The following DHX40 variants were observed in gnomAD, a reference collection of about 807,000 sequenced individuals.
DHX40 encodes the protein probable ATP-dependent RNA helicase DHX40.
DHX40 carries 28 observed loss-of-function variants against 89.6 expected under a neutral mutation model. The observed-to-expected ratio is 0.31, with a 90% CI of 0.23 to 0.43. The LOEUF is 0.43. DHX40 is among the 20% of genes least tolerant of loss of function. The pLI is 1.00. For missense variants in DHX40, 457 were observed against 844.0 expected (o/e 0.54, Z 5.68); for synonymous variants, 226 against 283.6 (o/e 0.80, Z 2.04).
At chr17:59,587,703 C>T (rs2049019161) in intron 11 of DHX40, among the ~76,000 whole-genome samples, 193 bp from the exon 12 acceptor site, 1 of 151,908 alleles carries the variant, frequency 6.6e-6, no homozygotes. Flanking sequence ...GGTGATCCAC[C>T]TGCCTCAGCT....
In DHX40 at chr17:59,565,753, C is replaced by T. The variant is rs2048694866; in HGVS notation, c.82C>T (p.Arg28Trp). ...GCGGTCAAGAGACCTCCAGGAAGAGCGGCTCTCGGCTGTTTGCATCGCCGA... is the reference window on the plus strand; with the variant it reads ...GCGGTCAAGAGACCTCCAGGAAGAGTGGCTCTCGGCTGTTTGCATCGCCGA... ...GERSRDLQEE[R>W]LSAVCIADRE... The change falls in exon 1 of 18, where the codon CGG (arginine) becomes TGG (tryptophan). Residue 28 changes from arginine to tryptophan, a missense_variant. By Grantham distance (101) the Arg-to-Trp change is moderately radical. This residue lies in a region of DHX40 where 75 missense variants were observed against 76.8 expected (regional missense o/e 0.98). Transcript: ENST00000251241. 1.9e-6 allele frequency: 3 copies of T among 1,604,494 alleles called. No individual in the cohort carries two copies. The highest frequency in any genetic ancestry group is 2.2e-5 in the South Asian group (2 of 91,020).
Position 59,585,520 on chromosome 17 carries a change from C to G in DHX40, c.1344-633C>G, listed in dbSNP as rs569941389. Among the ~76,000 whole-genome samples, 3 of 151,116 alleles carry G rather than the reference C, an allele frequency of 2.0e-5. No individual in the cohort carries two copies. The South Asian group carries it at 6.3e-4, about 32-fold the overall frequency. ...GGCGGATTGCTTAAGCACAGGAGTT[C>G]AAGACCAGCCTGGGCAACATGGTGA... On this transcript the variant is annotated intron_variant, in intron 10 of 17. Coordinates refer to ENST00000251241, the MANE Select transcript of DHX40 (RefSeq NM_024612.5).
At chr17:59,587,790 G>A in intron 11 of DHX40, 106 bp from the exon 12 acceptor site, 4 of 1,472,282 alleles carry the variant, frequency 2.7e-6, no homozygotes, top group Non-Finnish European at 3.7e-6. Flanking sequence ...ACTTCTGGAG[G>A]TGATTGGAGG....
chr17:59,607,421 A>G lies in DHX40; in HGVS notation c.*249A>G. The G allele has an allele frequency of 1.5e-6, 1 of 687,374 alleles. No homozygotes were observed. Among genetic ancestry groups the G allele is most frequent in the South Asian group, 1.9e-5 (1 of 52,132 alleles). 42.6% of individuals were successfully genotyped at this position (687,374 alleles called of 1,614,324 possible). ...GAAACCAATGAAAGACAGTACATGT[A>G]ATAATATTTTCCTCAGTACAATTTT... is the stretch of plus-strand genomic sequence containing the variant. On this transcript the variant is annotated 3_prime_UTR_variant, in exon 18 of 18. Coordinates refer to ENST00000251241, the MANE Select transcript of DHX40 (RefSeq NM_024612.5).
chr17:59,587,113 G>A (rs1022211911), intron 11 of DHX40, among the ~76,000 whole-genome samples: 5 of 149,546 alleles, frequency 3.3e-5, no homozygotes, highest in Admixed American at 2.0e-4. Context: ...AGGAGATTGC[G>A]CCATTGCACT....
chr17:59,573,162 T>C lies in DHX40; in HGVS notation c.473T>C (p.Ile158Thr). 1 of 1,613,712 alleles carries C rather than the reference T, an allele frequency of 6.2e-7. No homozygotes were observed. Residue 158 changes from isoleucine to threonine, a missense_variant, in exon 4 of 18, where the codon ATT (isoleucine) becomes ACT (threonine). Ile to Thr is a moderately conservative substitution (Grantham distance 89, BLOSUM62 -1). Transcript: ENST00000251241. ...ACTGATGGATGTTTACTGAAACATATTCTGGGAGACCCAAATCTTACCAAA... is the reference window on the plus strand; with the variant it reads ...ACTGATGGATGTTTACTGAAACATACTCTGGGAGACCCAAATCTTACCAAA... ...YMTDGCLLKH[I>T]LGDPNLTKFS...
intron 3 of DHX40, among the ~76,000 whole-genome samples, chr17:59,572,275 A>G (rs192225173): frequency 2.0e-5 from 3 of 152,266 alleles, no homozygotes; most frequent in East Asian, 3.9e-4. Flanking sequence ...TTGCCTTCCT[A>G]GTGGTCACTG....
intron 2 of DHX40, among the ~76,000 whole-genome samples, chr17:59,567,081 T>C (rs1027088114): frequency 7.2e-5 from 11 of 152,252 alleles, no homozygotes; most frequent in African/African-American, 2.7e-4. Flanking sequence ...AGTAGACTAT[T>C]AACCATTGGA....
intron 17 of DHX40, among the ~76,000 whole-genome samples, chr17:59,606,745 C>CAA (rs777660578): frequency 2.6e-4 from 15 of 57,542 alleles, no homozygotes; most frequent in African/African-American, 5.5e-4. Flanking sequence ...GACTCCGTCT[C>CAA]AAAAAAAAAA....
chr17:59,586,268 G>C, intron 11 of DHX40, 35 bp downstream of exon 11: 1 of 1,426,096 alleles, frequency 7.0e-7, no homozygotes, highest in Non-Finnish European at 9.5e-7. Flanking sequence ...AATCAAAACA[G>C]ATATTGATCT....
At chr17:59,600,303 T>G (rs1242236234) in intron 14 of DHX40, among the ~76,000 whole-genome samples, 1 of 152,136 alleles carries the variant, frequency 6.6e-6, no homozygotes, top group Non-Finnish European at 1.5e-5. Flanking sequence ...AAAATATTGT[T>G]TTATTCACCA....
intron 15 of DHX40, chr17:59,604,297 C>G (rs1050699207): frequency 4.6e-5 from 7 of 152,054 alleles, no homozygotes; most frequent in East Asian, 3.9e-4. Flanking sequence ...TTTTTTTACT[C>G]TCAACTTTTC....
At chr17:59,575,595 T>G (rs1460764379) in intron 7 of DHX40, 124 bp downstream of exon 7, 1 of 723,928 alleles carries the variant, frequency 1.4e-6, no homozygotes, top group East Asian at 2.9e-5. Flanking sequence ...GTCTCACCTT[T>G]GTAACCCACA....
intron 1 of DHX40, 142 bp from the exon 2 acceptor site, chr17:59,566,485 T>TA (rs1175998156): frequency 2.1e-5 from 17 of 806,228 alleles, no homozygotes; most frequent in Non-Finnish European, 3.0e-5. Context: ...AACGCTCACT[T>TA]ACATGAGCGA....
intron 1 of DHX40, among the ~76,000 whole-genome samples, chr17:59,566,130 A>G (rs555370423): frequency 6.6e-6 from 1 of 152,194 alleles, no homozygotes; most frequent in Admixed American, 6.5e-5. Flanking sequence ...GTACAGTATG[A>G]AGGGAGCCAG....
In DHX40 at chr17:59,570,420, A is replaced by G. The variant is rs1042049826; in HGVS notation, c.281-98A>G. 6.6e-6 allele frequency: 8 copies of G among 1,220,974 alleles called. No homozygotes were observed. The African/African-American group carries it at 1.1e-4, about 17-fold the overall frequency. 75.6% of individuals were successfully genotyped at this position (1,220,974 alleles called of 1,614,324 possible). On this transcript the variant is annotated intron_variant, in intron 2 of 17. Coordinates refer to ENST00000251241, the MANE Select transcript of DHX40 (RefSeq NM_024612.5). Reference sequence around the variant, plus strand: ...ATTTGCGAGATATTCTTTTGGAAACATTCAAGCAGTTTTGTGTTGATTGGC... The same window carrying G: ...ATTTGCGAGATATTCTTTTGGAAACGTTCAAGCAGTTTTGTGTTGATTGGC...
intron 11 of DHX40, among the ~76,000 whole-genome samples, chr17:59,586,885 G>A (rs1341033857): frequency 2.6e-5 from 4 of 152,092 alleles, no homozygotes; most frequent in African/African-American, 9.7e-5. Flanking sequence ...TGTGCGTGGT[G>A]GCTCACGCCT....
At chr17:59,591,652 T>G (rs1451399573) in intron 12 of DHX40, among the ~76,000 whole-genome samples, 1 of 151,516 alleles carries the variant, frequency 6.6e-6, no homozygotes, top group Non-Finnish European at 1.5e-5. Flanking sequence ...TTATACCTTC[T>G]ATGCAGTTTC....
intron 7 of DHX40, among the ~76,000 whole-genome samples, chr17:59,576,906 G>T (rs1442396203): frequency 6.8e-6 from 1 of 146,220 alleles, no homozygotes; most frequent in Admixed American, 6.9e-5. Flanking sequence ...GTCTCGCTCT[G>T]TCGCCCAGGC....
Sources: gnomAD v4.1 joint callset for allele counts (sites outside exome capture counted in the v4.1 genomes callset) on GRCh38, gnomAD v4.1.1 for gene constraint, gnomAD v4.1.1 regional missense constraint, MANE v1.5 for transcripts, NCBI Gene and HGNC (gene_info 2026-07-23, HGNC 2026-07-21) for gene names.